GPALPP1: variants seen among roughly 807,000 people sequenced by gnomAD.
GPALPP1 encodes GPALPP motifs containing 1.
GPALPP1 carries 30 observed loss-of-function variants against 38.9 expected under a neutral mutation model. The ratio of observed to expected loss-of-function variants is 0.77; its 90% CI spans 0.58 to 1.05. The LOEUF is 1.05. Ranked by LOEUF, GPALPP1 falls within the 50% of genes least tolerant of loss-of-function variation. The pLI, the probability that GPALPP1 is intolerant of heterozygous loss-of-function variation, is 0.00. For synonymous variants in GPALPP1, 120 were observed against 139.2 expected, an observed-to-expected ratio of 0.86 and a Z score of 0.97; for missense variants, 384 against 408.8, an observed-to-expected ratio of 0.94 and a Z score of 0.52.
intron 4 of GPALPP1, among the ~76,000 whole-genome samples, chr13:45,009,642 A>G (rs1874338006): frequency 6.6e-6 from 1 of 152,202 alleles, no homozygotes; most frequent in Admixed American, 6.5e-5. Context: ...ATGAATTCAT[A>G]TATTCCAGAG....
At chr13:45,030,571 G>C (rs1876147779), downstream of GPALPP1, 1 of 151,910 alleles carries the variant, frequency 6.6e-6, no homozygotes, top group South Asian at 2.1e-4. Flanking sequence ...AGTAGAGATG[G>C]GGTTTCACTA....
chr13:45,034,346 A>G (rs1331702562), downstream of GPALPP1: 1 of 152,226 alleles, frequency 6.6e-6, no homozygotes, highest in Non-Finnish European at 1.5e-5. Context: ...AAAAAGATCA[A>G]GTAATTGCAC....
At chr13:45,006,656 A>C (rs1021593003) in intron 3 of GPALPP1, among the ~76,000 whole-genome samples, 7 of 152,294 alleles carry the variant, frequency 4.6e-5, no homozygotes, top group Middle Eastern at 3.4e-3. Context: ...CTTTTAATTC[A>C]GTTGTTTTCT....
intron 1 of GPALPP1, among the ~76,000 whole-genome samples, chr13:44,992,548 G>A (rs1450944391): frequency 6.6e-6 from 1 of 151,994 alleles, no homozygotes; most frequent in East Asian, 1.9e-4. Context: ...CCCACCCCAA[G>A]GTTATAAAGC....
chr13:45,033,620 A>G (rs964115292), downstream of GPALPP1: 1 of 152,166 alleles, frequency 6.6e-6, no homozygotes, highest in African/African-American at 2.4e-5. Flanking sequence ...AAGTTGTAGT[A>G]TTTATTTTTG....
downstream of GPALPP1, chr13:45,031,643 C>A (rs578191136): frequency 6.6e-6 from 1 of 152,144 alleles, no homozygotes; most frequent in Non-Finnish European, 1.5e-5. Context: ...TTTGTGCCAA[C>A]CTGAGGATAA....
At chr13:45,020,981 A>G (rs1875387725) in intron 7 of GPALPP1, among the ~76,000 whole-genome samples, 2 of 152,212 alleles carry the variant, frequency 1.3e-5, no homozygotes, top group African/African-American at 2.4e-5. Context: ...TACATTATAA[A>G]CAGATTTGGA....
rs192039211 is a variant in GPALPP1, at chr13:44,996,884, C to T, written c.88+7142C>T. ...CTTAACCATCTTTAAATGTACAGTTCAGTGGCATTAAATACATTCAGATGA... is the reference window on the plus strand; with the variant it reads ...CTTAACCATCTTTAAATGTACAGTTTAGTGGCATTAAATACATTCAGATGA... On this transcript the variant is annotated intron_variant, in intron 1 of 7. Transcript: ENST00000379151. 2.3e-3 allele frequency among the ~76,000 whole-genome samples: 317 copies of T among 137,668 alleles called. 2 individuals carry two copies. The highest frequency in any genetic ancestry group is 0.019 in the Admixed American group (241 of 12,446). The allele number at this position is 137,668 out of a possible 152,430, so 90.3% of individuals were successfully genotyped here. A position where few individuals can be genotyped will look rare whatever the true frequency, so the allele number is the denominator to read the frequency against.
chr13:45,015,579 A>G lies in GPALPP1; in HGVS notation c.688A>G (p.Arg230Gly), dbSNP rs915323277. 6.5e-7 allele frequency: 1 copy of G among 1,532,884 alleles called. No individual in the cohort carries two copies. Among genetic ancestry groups the G allele is most frequent in the African/African-American group, 1.4e-5 (1 of 71,124 alleles). The allele number at this position is 1,532,884 out of a possible 1,614,324, so 95.0% of individuals were successfully genotyped here. The change falls in exon 6 of 8, where the codon AGG becomes GGG. Residue 230 changes from arginine (R) to glycine (G), a missense_variant. Coordinates refer to ENST00000379151, the MANE Select transcript of GPALPP1 (RefSeq NM_018559.5). Reference sequence around the variant, plus strand: ...AATCTGGACAGATACTCCAGCTGATAGGGAAAGGAAAGCTAAGGTGAGAGG... The same window carrying G: ...AATCTGGACAGATACTCCAGCTGATGGGGAAAGGAAAGCTAAGGTGAGAGG... ...RSIWTDTPAD[R>G]ERKAKETQEA...
chr13:44,992,598 T>G (rs1872884717), intron 1 of GPALPP1, among the ~76,000 whole-genome samples: 1 of 152,234 alleles, frequency 6.6e-6, no homozygotes, highest in African/African-American at 2.4e-5. Context: ...TGTTTCAGCT[T>G]TCACATTTAT....
At chr13:44,999,043 G>A (rs1048608763) in intron 1 of GPALPP1, among the ~76,000 whole-genome samples, 8 of 152,120 alleles carry the variant, frequency 5.3e-5, no homozygotes, top group African/African-American at 1.4e-4. Flanking sequence ...ACAACAAGAA[G>A]GAAGCAAACT....
At chr13:45,009,243 G>T (rs1874313043) in intron 4 of GPALPP1, among the ~76,000 whole-genome samples, 2 of 152,134 alleles carry the variant, frequency 1.3e-5, no homozygotes. Flanking sequence ...TTTAACAATG[G>T]TCTTTACCTT....
chr13:45,016,727 A>G (rs1363513571), intron 6 of GPALPP1, among the ~76,000 whole-genome samples: 1 of 152,140 alleles, frequency 6.6e-6, no homozygotes, highest in African/African-American at 2.4e-5. Flanking sequence ...TGCAGTCTCA[A>G]AGGATCAACC....
chr13:45,011,810 A>T (rs993103583), intron 4 of GPALPP1, among the ~76,000 whole-genome samples: 3 of 152,174 alleles, frequency 2.0e-5, no homozygotes, highest in African/African-American at 7.2e-5. Context: ...TGAAGAATTT[A>T]GGCTAAGTAC....
Position 45,027,935 on chromosome 13 carries a change from G to A in GPALPP1, c.955G>A (p.Ala319Thr), listed in dbSNP as rs143924848. The A allele has an allele frequency of 5.0e-6, 8 of 1,611,618 alleles. No homozygotes were observed. Among genetic ancestry groups the A allele is most frequent in the Non-Finnish European group, 5.9e-6 (7 of 1,178,184 alleles). The change falls in exon 8 of 8, where the codon GCC becomes ACC. Residue 319 changes from alanine (A) to threonine (T), a missense_variant. Ala to Thr is a moderately conservative substitution (Grantham distance 58). Transcript: ENST00000379151. ...VNRFDEAQKK[A>T]LIKKSRELNT... ...TCGGTTTGATGAAGCTCAGAAAAAA[G>A]CCCTAATAAAAAAATCTAGAGAACT...
At chr13:44,999,605 G>T (rs1873523765) in intron 1 of GPALPP1, among the ~76,000 whole-genome samples, 1 of 152,104 alleles carries the variant, frequency 6.6e-6, no homozygotes, top group African/African-American at 2.4e-5. Context: ...TCTTGAGACA[G>T]AGTCTCACTC....
chr13:45,024,262 C>CTG (rs34572145), intron 7 of GPALPP1, among the ~76,000 whole-genome samples: 4,082 of 24,248 alleles, frequency 0.17, 1,003 homozygotes, highest in East Asian at 0.26. Flanking sequence ...CCCTAAAACT[C>CTG]TGTGTGTGTG....
intron 4 of GPALPP1, among the ~76,000 whole-genome samples, chr13:45,011,996 G>A (rs1456772828): frequency 2.6e-5 from 4 of 152,154 alleles, no homozygotes. Context: ...AGCTCAAAAG[G>A]AAGAAAGGAA....
exon 8 of GPALPP1, chr13:45,036,545 T>C (rs907954305): frequency 6.6e-6 from 1 of 152,234 alleles, no homozygotes; most frequent in African/African-American, 2.4e-5. Context: ...ATAACTGTGC[T>C]TTGGCAGCTA....
Sources: allele counts gnomAD v4.1 joint callset (sites outside exome capture counted in the v4.1 genomes callset), GRCh38; gene constraint gnomAD v4.1.1; transcripts MANE v1.5; gene names NCBI Gene and HGNC (gene_info 2026-07-23, HGNC 2026-07-21).